The following RLN1 variants were observed in gnomAD, a reference collection of about 807,000 sequenced individuals.
RLN1 encodes the protein prorelaxin H1.
Under a neutral mutation model 7.2 loss-of-function variants are expected in RLN1, and 4 were observed. The ratio of observed to expected loss-of-function variants is 0.56; its 90% CI spans 0.28 to 1.28. The LOEUF (loss-of-function observed/expected upper bound fraction) is 1.28. Ranked by LOEUF, RLN1 falls within the 50% of genes most tolerant of loss-of-function variation. The pLI is 0.11. For synonymous variants in RLN1, 105 were observed against 86.0 expected, an observed-to-expected ratio of 1.22 and a Z score of -1.22; for missense variants, 293 against 221.1, an observed-to-expected ratio of 1.32 and a Z score of -2.06.
chr9:5,339,979 C>G (rs1198927449), upstream of RLN1: 9 of 571,676 alleles, frequency 1.6e-5, no homozygotes, highest in Non-Finnish European at 2.8e-5. Context: ...TGTTCTGCCT[C>G]TCCGCCCTTC....
rs1816857535 is a variant in RLN1 at position 5,335,078 on chromosome 9, T to G, written c.*173A>C. 1 of 502,144 alleles carries G rather than the reference T, an allele frequency of 2.0e-6. No individual in the cohort carries two copies. The allele number at this position is 502,144 out of a possible 1,614,324, so 31.1% of individuals were successfully genotyped here. A position where few individuals can be genotyped will look rare whatever the true frequency, so the allele number is the denominator to read the frequency against. On this transcript the variant is annotated 3_prime_UTR_variant, in exon 2 of 2. Transcript: ENST00000223862. ...AGACTTCAGCATAGAAAGTGTCATTTACAGAAACTACAATCATACAAAGAA... is the reference window on the plus strand; with the variant it reads ...AGACTTCAGCATAGAAAGTGTCATTGACAGAAACTACAATCATACAAAGAA...
chr9:5,336,954 A>T (rs1163602117), intron 1 of RLN1, among the ~76,000 whole-genome samples: 1 of 151,958 alleles, frequency 6.6e-6, no homozygotes, highest in Admixed American at 6.6e-5. Context: ...TTTACCAACA[A>T]CAAACTTCAA....
intron 1 of RLN1, 58 bp from the exon 2 acceptor site, chr9:5,335,655 GA>G: frequency 2.0e-6 from 2 of 1,024,266 alleles, no homozygotes; most frequent in South Asian, 3.2e-5. Flanking sequence ...AGAGCATTCA[GA>G]AAAACTGTGA....
chr9:5,340,407 C>G (rs1586686293), upstream of RLN1, among the ~76,000 whole-genome samples: 1 of 152,088 alleles, frequency 6.6e-6, no homozygotes. Flanking sequence ...AACAATTTCT[C>G]CATTGGACTT....
At position 5,339,723 on chromosome 9, in the gene RLN1, G is replaced by C; in HGVS notation, c.24C>G (p.His8Gln). ...TCAGTAGTAAACAGAATTCTAGCAG[G>C]TGGAACAAGAACAGGCGAGGCATCC... The part of the protein sequence containing the change: MPRLFLF[H>Q]LLEFCLLLNQ... Residue 8 changes from histidine (H) to glutamine (Q), a missense_variant, in exon 1 of 2, where the codon CAC becomes CAG. His to Gln is a conservative substitution (Grantham distance 24, BLOSUM62 0). Coordinates refer to ENST00000223862, the MANE Select transcript of RLN1 (RefSeq NM_006911.4). The C allele has an allele frequency of 6.2e-7, 1 of 1,613,436 alleles. No individual in the cohort carries two copies. The highest frequency in any genetic ancestry group is 8.5e-7 in the Non-Finnish European group (1 of 1,180,036).
Position 5,335,062 on chromosome 9 carries a change from C to T in RLN1, c.*189G>A. Reference sequence around the variant, plus strand: ...TAATAAAAAGACAAAAAGACTTCAGCATAGAAAGTGTCATTTACAGAAACT... The same window carrying T: ...TAATAAAAAGACAAAAAGACTTCAGTATAGAAAGTGTCATTTACAGAAACT... On this transcript the variant is annotated 3_prime_UTR_variant, in exon 2 of 2. Coordinates refer to ENST00000223862, the MANE Select transcript of RLN1 (RefSeq NM_006911.4). 2.1e-6 allele frequency: 1 copy of T among 486,026 alleles called. No individual in the cohort carries two copies. The highest frequency in any genetic ancestry group is 3.6e-6 in the Non-Finnish European group (1 of 279,160). The allele number at this position is 486,026 out of a possible 1,614,324, so 30.1% of individuals were successfully genotyped here.
chr9:5,339,495 T>C (rs538796049), intron 1 of RLN1, 41 bp downstream of exon 1: 2 of 1,417,584 alleles, frequency 1.4e-6, no homozygotes, highest in East Asian at 2.5e-5. Context: ...GAGTAACCAA[T>C]GGGAAGCGCG....
rs764935403 is a variant in RLN1 at position 5,335,216 on chromosome 9, GA to G, written c.*34del. The G allele has an allele frequency of 1.5e-6, 2 of 1,366,254 alleles. No individual in the cohort carries two copies. The highest frequency in any genetic ancestry group is 2.0e-6 in the Non-Finnish European group (2 of 993,326). 84.6% of individuals were successfully genotyped at this position (1,366,254 alleles called of 1,614,324 possible). On this transcript the variant is annotated 3_prime_UTR_variant, in exon 2 of 2. Transcript: ENST00000223862. ...GTGAAATGTCATCAAGACTATGTGT[GA>G]AAATTAGACAAGATGTGCACAATTA... is the stretch of plus-strand genomic sequence containing the variant.
rs35426888 is a variant in RLN1 at position 5,335,590 on chromosome 9, T to C, written c.219A>G (p.Val73=). The C allele has an allele frequency of 8.4e-4, 1,336 of 1,596,594 alleles. 19 individuals carry two copies. In the African/African-American group the frequency reaches 0.016, roughly 19 times the overall value. ...PQTPRPVAEI[V]PSFINKDTET... ...CTGTATCTTTGTTGATGAAGGATGG[T>C]ACAATTTCTGTTAAGTTTAAAAAAA... Residue 73 remains valine (V), a synonymous_variant, in exon 2 of 2, where the codon GTA becomes GTG. Coordinates refer to ENST00000223862, the MANE Select transcript of RLN1 (RefSeq NM_006911.4).
In RLN1 at chr9:5,335,434, G is replaced by T; in HGVS notation, c.375C>A (p.Ser125Arg). 1 of 1,613,672 alleles carries T rather than the reference G, an allele frequency of 6.2e-7. No homozygotes were observed. The highest frequency in any genetic ancestry group is 8.5e-7 in the Non-Finnish European group (1 of 1,179,814). The part of the protein sequence containing the change: ...YVPALKDSNL[S>R]FEEFKKLIRN... The stretch of plus-strand genomic sequence containing the variant: ...GAATAAGTTTCTTAAATTCTTCAAA[G>T]CTAAGATTGGAATCCTTTAATGCAG... The change falls in exon 2 of 2, where the codon AGC becomes AGA. Residue 125 changes from serine to arginine, a missense_variant. Ser to Arg is a moderately radical substitution (Grantham distance 110, BLOSUM62 -1). Coordinates refer to ENST00000223862, the MANE Select transcript of RLN1 (RefSeq NM_006911.4).
chr9:5,337,181 C>A (rs909290418), intron 1 of RLN1, among the ~76,000 whole-genome samples: 1 of 151,952 alleles, frequency 6.6e-6, no homozygotes, highest in Non-Finnish European at 1.5e-5. Flanking sequence ...ATAAAAACGT[C>A]TCTGTGCTCC....
At chr9:5,340,747 TA>T (rs1395224529), upstream of RLN1, among the ~76,000 whole-genome samples, 1 of 152,210 alleles carries the variant, frequency 6.6e-6, no homozygotes. Context: ...CAGTTCTAGA[TA>T]ATATGGTTAG....
rs1816857427 is a variant in RLN1, at chr9:5,335,066, GA to G, written c.*184del. The stretch of plus-strand genomic sequence containing the variant: ...AAAAAGACAAAAAGACTTCAGCATA[GA>G]AAGTGTCATTTACAGAAACTACAAT... On this transcript the variant is annotated 3_prime_UTR_variant, in exon 2 of 2. Coordinates refer to ENST00000223862, the MANE Select transcript of RLN1 (RefSeq NM_006911.4). The G allele has an allele frequency of 2.0e-6, 1 of 490,110 alleles. No homozygotes were observed. The highest frequency in any genetic ancestry group is 3.8e-5 in the Admixed American group (1 of 26,640). 30.4% of individuals were successfully genotyped at this position (490,110 alleles called of 1,614,324 possible).
intron 1 of RLN1, among the ~76,000 whole-genome samples, chr9:5,337,412 C>A (rs180921529): frequency 1.3e-5 from 2 of 152,128 alleles, no homozygotes; most frequent in East Asian, 1.9e-4. Flanking sequence ...GGAACCTAGG[C>A]TCAGAGAAAA....
Position 5,335,548 on chromosome 9 carries a change from C to G in RLN1, c.261G>C (p.Met87Ile). ...INKDTETIII[M>I]LEFIANLPPE... ...GTGGCAAATTAGCAATGAATTCCAA[C>G]ATGATAATTATAGTTTCTGTATCTT... The change falls in exon 2 of 2, where the codon ATG becomes ATC. Residue 87 changes from methionine (M) to isoleucine (I), a missense_variant. Coordinates refer to ENST00000223862, the MANE Select transcript of RLN1 (RefSeq NM_006911.4). The G allele has an allele frequency of 6.2e-7, 1 of 1,612,076 alleles. No individual in the cohort carries two copies.
rs574646272 is a variant in RLN1, at chr9:5,339,873, C to G, written c.-127G>C. ...GGCTGCTTTCCCTACCCGGCTCAAC[C>G]AGTCTTTAGTATGGGCTATCACTCA... On this transcript the variant is annotated 5_prime_UTR_variant, in exon 1 of 2. Coordinates refer to ENST00000223862, the MANE Select transcript of RLN1 (RefSeq NM_006911.4). The G allele has an allele frequency of 2.9e-5, 27 of 941,760 alleles. No individual in the cohort carries two copies. The highest frequency in any genetic ancestry group is 4.1e-5 in the Non-Finnish European group (25 of 612,312). The allele number at this position is 941,760 out of a possible 1,614,324, so 58.3% of individuals were successfully genotyped here.
chr9:5,339,839 C>T lies in RLN1; in HGVS notation c.-93G>A. On this transcript the variant is annotated 5_prime_UTR_variant, in exon 1 of 2. Transcript: ENST00000223862. ...CACACCTGGGCCTGTGTGCCTGTCC[C>T]GGGCTTTAGGCTGCTTTCCCTACCC... The T allele has an allele frequency of 7.5e-7, 1 of 1,335,680 alleles. No homozygotes were observed. The highest frequency in any genetic ancestry group is 2.3e-5 in the East Asian group (1 of 43,212). The allele number at this position is 1,335,680 out of a possible 1,614,324, so 82.7% of individuals were successfully genotyped here.
rs761650315 is a variant in RLN1 at position 5,335,505 on chromosome 9, G to C, written c.304C>G (p.Leu102Val). The C allele has an allele frequency of 5.6e-6, 9 of 1,613,166 alleles. No homozygotes were observed. The highest frequency in any genetic ancestry group is 7.6e-6 in the Non-Finnish European group (9 of 1,179,394). Residue 102 changes from leucine to valine, a missense_variant, in exon 2 of 2, where the codon CTA becomes GTA. By Grantham distance (32) the Leu-to-Val change is conservative. Coordinates refer to ENST00000223862, the MANE Select transcript of RLN1 (RefSeq NM_006911.4). ...GGTAATGATGGTTGCCTCTCAGATAGGGCTGCCTTCAGCTCCGGTGGCAAA... is the reference window on the plus strand; with the variant it reads ...GGTAATGATGGTTGCCTCTCAGATACGGCTGCCTTCAGCTCCGGTGGCAAA... The part of the protein sequence containing the change: ...ANLPPELKAA[L>V]SERQPSLPEL...
At chr9:5,335,945 T>G (rs1816882362) in intron 1 of RLN1, among the ~76,000 whole-genome samples, 1 of 152,070 alleles carries the variant, frequency 6.6e-6, no homozygotes, top group African/African-American at 2.4e-5. Flanking sequence ...CCACACATAG[T>G]GGTCATTTTC....
Sources: gnomAD v4.1 joint callset for allele counts (sites outside exome capture counted in the v4.1 genomes callset) on GRCh38, gnomAD v4.1.1 for gene constraint, MANE v1.5 for transcripts, NCBI Gene and HGNC (gene_info 2026-07-23, HGNC 2026-07-21) for gene names.